Variants in C5orf22 observed in about 807,000 individuals in gnomAD.
The protein encoded by C5orf22 is chromosome 5 open reading frame 22.
A neutral mutation model predicts 48.7 loss-of-function variants in C5orf22; 36 were observed. The ratio of observed to expected loss-of-function variants is 0.74; its 90% CI spans 0.57 to 0.98. C5orf22 has a LOEUF of 0.98. Among genes scored for constraint, C5orf22 ranks in the 50% least tolerant of loss-of-function variants. The pLI, the probability that C5orf22 is intolerant of heterozygous loss-of-function variation, is 0.00. For missense variants in C5orf22, 486 were observed against 521.9 expected (o/e 0.93, Z 0.67); for synonymous variants, 141 against 180.8 (o/e 0.78, Z 1.76).
chr5:31,551,540 T>A, intron 8 of C5orf22, 108 bp downstream of exon 8: 2 of 834,176 alleles, frequency 2.4e-6, no homozygotes, highest in Non-Finnish European at 3.8e-6. Context: ...GCAGTGTGAT[T>A]AACTCAAGGA....
chr5:31,543,303 C>A (rs1189333279), intron 6 of C5orf22, among the ~76,000 whole-genome samples: 1 of 152,298 alleles, frequency 6.6e-6, no homozygotes, highest in African/African-American at 2.4e-5. Flanking sequence ...CGTGGTGGCT[C>A]ACCTCTGTAA....
At chr5:31,532,590 T>C (rs1382903696) in intron 1 of C5orf22, 117 bp downstream of exon 1, 1 of 821,162 alleles carries the variant, frequency 1.2e-6, no homozygotes, top group African/African-American at 1.8e-5. Flanking sequence ...AGAGTTAAAC[T>C]GCCCTATTCC....
chr5:31,551,890 C>G (rs1339941685), intron 8 of C5orf22, among the ~76,000 whole-genome samples: 2 of 152,162 alleles, frequency 1.3e-5, no homozygotes, highest in Non-Finnish European at 1.5e-5. Flanking sequence ...GAAACTAATA[C>G]AATCTCTGTA....
intron 4 of C5orf22, among the ~76,000 whole-genome samples, chr5:31,539,923 G>A (rs941988968): frequency 5.9e-5 from 9 of 151,830 alleles, no homozygotes; most frequent in African/African-American, 1.5e-4. Flanking sequence ...ATAGTGGCAC[G>A]TGCCTGTGGT....
chr5:31,551,329 C>T lies in C5orf22; in HGVS notation c.1096C>T (p.Leu366Phe). Residue 366 changes from leucine (L) to phenylalanine (F), a missense_variant, in exon 8 of 9, where the codon CTT becomes TTT. This residue lies in a region of C5orf22 where 408 missense variants were observed against 444.0 expected (regional missense o/e 0.92). Transcript: ENST00000325366. ...QAGLTCDYSE[L>F]PHHISTEQEI... ...TGGTTTAACCTGCGATTATTCAGAA[C>T]TTCCTCACCATATCAGCACAGAACA... 1 of 1,613,470 alleles carries T rather than the reference C, an allele frequency of 6.2e-7. No homozygotes were observed.
chr5:31,533,404 G>T (rs1741841017), intron 1 of C5orf22, among the ~76,000 whole-genome samples: 1 of 152,134 alleles, frequency 6.6e-6, no homozygotes, highest in African/African-American at 2.4e-5. Flanking sequence ...GAGGCCCATG[G>T]ATCTAATAAA....
intron 3 of C5orf22, 159 bp from the exon 4 acceptor site, chr5:31,538,101 T>A (rs889980471): frequency 1.8e-5 from 11 of 617,160 alleles, no homozygotes; most frequent in Middle Eastern, 4.5e-4. Context: ...GCTAAGAATT[T>A]GAGGAATGCT....
chr5:31,534,188 T>C (rs1741936730), intron 1 of C5orf22, 84 bp from the exon 2 acceptor site: 1 of 1,167,298 alleles, frequency 8.6e-7, no homozygotes. Flanking sequence ...ATGTGCATTA[T>C]TTAGCATTGT....
chr5:31,541,992 GT>G (rs1190339536), intron 6 of C5orf22, among the ~76,000 whole-genome samples: 1 of 152,120 alleles, frequency 6.6e-6, no homozygotes, highest in Non-Finnish European at 1.5e-5. Context: ...AAGTGGGCAT[GT>G]TTTTAGTCTT....
intron 8 of C5orf22, among the ~76,000 whole-genome samples, chr5:31,551,968 T>A (rs1743295628): frequency 6.6e-6 from 1 of 152,214 alleles, no homozygotes. Flanking sequence ...TCTCTTTAGG[T>A]TTGAAATACT....
chr5:31,544,140 G>C (rs1742661869), intron 6 of C5orf22, among the ~76,000 whole-genome samples: 1 of 152,202 alleles, frequency 6.6e-6, no homozygotes, highest in African/African-American at 2.4e-5. Flanking sequence ...AACAGGACAA[G>C]TGGGCAAGCA....
At chr5:31,535,925 G>C (rs967895612) in intron 3 of C5orf22, 32 bp downstream of exon 3, 1 of 1,595,718 alleles carries the variant, frequency 6.3e-7, no homozygotes, top group East Asian at 2.2e-5. Flanking sequence ...ATATGGAAGT[G>C]ATTGAATGTT....
At chr5:31,542,731 T>G (rs1033332674) in intron 6 of C5orf22, among the ~76,000 whole-genome samples, 1 of 152,182 alleles carries the variant, frequency 6.6e-6, no homozygotes, top group Non-Finnish European at 1.5e-5. Context: ...TCTTAAATCA[T>G]GTAATCTCAA....
At chr5:31,551,179 C>T in intron 7 of C5orf22, 114 bp from the exon 8 acceptor site, 1 of 1,003,304 alleles carries the variant, frequency 1.0e-6, no homozygotes, top group African/African-American at 1.7e-5. Context: ...TGAAAATATG[C>T]ACATCTTTTA....
intron 6 of C5orf22, among the ~76,000 whole-genome samples, chr5:31,545,195 A>G (rs1742782014): frequency 6.6e-6 from 1 of 151,802 alleles, no homozygotes. Flanking sequence ...AATAGCTGGG[A>G]TTACAGGCAT....
chr5:31,534,927 A>G (rs145941303), intron 2 of C5orf22: 3 of 419,730 alleles, frequency 7.1e-6, no homozygotes, highest in African/African-American at 2.1e-5. Context: ...AGCCTAGCCA[A>G]TGTTTAATCC....
chr5:31,552,974 G>C lies in C5orf22; in HGVS notation c.*72G>C. ...GCCCTTAATTAACTTATTTGTACAT[G>C]AGTCTTCCAGAGAACACTGTTTTAT... On this transcript the variant is annotated 3_prime_UTR_variant, in exon 9 of 9. Coordinates refer to ENST00000325366, the MANE Select transcript of C5orf22 (RefSeq NM_018356.3). 1 of 1,321,014 alleles carries C rather than the reference G, an allele frequency of 7.6e-7. No homozygotes were observed. Among genetic ancestry groups the C allele is most frequent in the Non-Finnish European group, 1.1e-6 (1 of 939,310 alleles). 81.8% of individuals were successfully genotyped at this position (1,321,014 alleles called of 1,614,324 possible). A position where few individuals can be genotyped will look rare whatever the true frequency, so the allele number is the denominator to read the frequency against.
intron 8 of C5orf22, 66 bp from the exon 9 acceptor site, chr5:31,552,707 G>A: frequency 4.2e-6 from 6 of 1,424,726 alleles, no homozygotes; most frequent in Non-Finnish European, 5.8e-6. Context: ...AACACATGCA[G>A]CTTTTCCTCA....
intron 2 of C5orf22, chr5:31,535,181 T>A: frequency 2.9e-6 from 1 of 347,130 alleles, no homozygotes; most frequent in Non-Finnish European, 5.7e-6. Flanking sequence ...AATTCAGCAA[T>A]TCAGTATCAA....
Sources: gnomAD v4.1 joint callset for allele counts (sites outside exome capture counted in the v4.1 genomes callset) on GRCh38, gnomAD v4.1.1 for gene constraint, gnomAD v4.1.1 regional missense constraint, MANE v1.5 for transcripts, NCBI Gene and HGNC (gene_info 2026-07-23, HGNC 2026-07-21) for gene names.